COL17A1: variants seen among roughly 807,000 people sequenced by gnomAD.
The protein encoded by COL17A1 is collagen alpha-1(XVII) chain.
A neutral mutation model predicts 218.4 loss-of-function variants in COL17A1; 181 were observed. That is an observed-to-expected ratio of 0.83 (90% CI 0.73 to 0.94). COL17A1 has a LOEUF of 0.94. Ranked by LOEUF, COL17A1 falls within the 40% of genes least tolerant of loss-of-function variation. The pLI, the probability that COL17A1 is intolerant of heterozygous loss-of-function variation, is 0.00. For missense variants in COL17A1, 1,924 were observed against 1,945.9 expected, an observed-to-expected ratio of 0.99 and a Z score of 0.21; for synonymous variants, 721 against 731.0, an observed-to-expected ratio of 0.99 and a Z score of 0.22.
At chr10:104,083,359 A>T (rs2086781269) in intron 1 of COL17A1, among the ~76,000 whole-genome samples, 1 of 152,184 alleles carries the variant, frequency 6.6e-6, no homozygotes, top group Non-Finnish European at 1.5e-5. Flanking sequence ...ACTGTCAAAT[A>T]ACATAATTTT....
rs1283442752 is a variant in COL17A1, at chr10:104,037,895, G to A, written c.3071-122C>T. On this transcript the variant is annotated intron_variant, in intron 45 of 55. Coordinates refer to ENST00000648076, the MANE Select transcript of COL17A1 (RefSeq NM_000494.4). The stretch of plus-strand genomic sequence containing the variant: ...GCCCCACACATGGGCCCAAGGCTGG[G>A]CCAGGAGGGAGCCTAGACTTCCCCT... 4 of 1,276,904 alleles carry A rather than the reference G, an allele frequency of 3.1e-6. No homozygotes were observed. The African/African-American group carries it at 4.5e-5, about 14-fold the overall frequency. 79.1% of individuals were successfully genotyped at this position (1,276,904 alleles called of 1,614,324 possible). A position where few individuals can be genotyped will look rare whatever the true frequency, so the allele number is the denominator to read the frequency against.
At position 104,078,576 on chromosome 10, in the gene COL17A1, T is replaced by C. The variant is rs1394924211; in HGVS notation, c.63A>G (p.Glu21=). Residue 21 remains glutamate, a synonymous_variant, in exon 3 of 56, where the codon GAA becomes GAG. Coordinates refer to ENST00000648076, the MANE Select transcript of COL17A1 (RefSeq NM_000494.4). ...AGGATGTAAGTCTTGTGGTTACTGT[T>C]TCAGTGACAACTAGAAAAAGACAAA... ...GTEVTERIVT[E]TVTTRLTSLP... The C allele has an allele frequency of 6.2e-7, 1 of 1,614,048 alleles. No homozygotes were observed.
chr10:104,056,832 G>C (rs191285519), intron 17 of COL17A1, 143 bp downstream of exon 17: 9 of 1,488,590 alleles, frequency 6.0e-6, no homozygotes. Context: ...ACTCATCTGC[G>C]GTAACAAGGG....
intron 11 of COL17A1, 118 bp downstream of exon 11, chr10:104,063,629 G>T: frequency 1.4e-6 from 2 of 1,469,002 alleles, no homozygotes; most frequent in Non-Finnish European, 1.9e-6. Flanking sequence ...GCAACCCTGT[G>T]CCTCTGCTTC....
chr10:104,085,700 G>T (rs939371365), intron 1 of COL17A1, 23 bp downstream of exon 1: 3 of 152,622 alleles, frequency 2.0e-5, no homozygotes, highest in Non-Finnish European at 4.4e-5. Flanking sequence ...AAAGGAGAAA[G>T]GTCAGTCTTC....
At chr10:104,048,823 C>T (rs1318290258) in intron 29 of COL17A1, among the ~76,000 whole-genome samples, 1 of 151,308 alleles carries the variant, frequency 6.6e-6, no homozygotes. Flanking sequence ...TGATCCTCAA[C>T]ATGGTCTTTT....
In COL17A1 at chr10:104,041,344, C is replaced by T; in HGVS notation, c.2606G>A (p.Gly869Glu). 6.2e-7 allele frequency: 1 copy of T among 1,610,464 alleles called. No homozygotes were observed. Reference protein sequence around the residue: ...PGPPGPRGPPGPSIPGPPGPR... With the variant: ...PGPPGPRGPPEPSIPGPPGPR... ...TCCTGGTGGGCCTGGAATGGAAGGC[C>T]CTGCAGAAGAGAGCAAGGAAGAGGC... The change falls in exon 38 of 56, where the codon GGG (glycine) becomes GAG (glutamate). Residue 869 changes from glycine to glutamate, a missense_variant and splice_region_variant. Gly to Glu is a moderately conservative substitution (Grantham distance 98). Transcript: ENST00000648076.
At chr10:104,042,506 AG>A (rs1331136628) in intron 35 of COL17A1, 51 bp from the exon 36 acceptor site, 1 of 1,585,974 alleles carries the variant, frequency 6.3e-7, no homozygotes, top group Non-Finnish European at 8.7e-7. Flanking sequence ...GTAGGGTCAT[AG>A]GAAGAACTAA....
chr10:104,080,744 G>T (rs765548448), intron 1 of COL17A1, 60 bp from the exon 2 acceptor site: 5 of 1,550,222 alleles, frequency 3.2e-6, no homozygotes, highest in Non-Finnish European at 4.4e-6. Context: ...GTAATTATAG[G>T]TCCCCACTGT....
intron 24 of COL17A1, 152 bp downstream of exon 24, chr10:104,052,003 G>T: frequency 1.0e-6 from 1 of 989,900 alleles, no homozygotes; most frequent in Non-Finnish European, 1.6e-6. Flanking sequence ...GCTTTTCTGG[G>T]GGATGCTCTT....
intron 3 of COL17A1, 151 bp from the exon 4 acceptor site, chr10:104,077,677 GCCATGCT>G (rs983634455): frequency 1.4e-6 from 1 of 703,328 alleles, no homozygotes; most frequent in Non-Finnish European, 2.5e-6. Context: ...GATGCAAGCT[GCCATGCT>G]CCAGTTTCGT....
intron 8 of COL17A1, among the ~76,000 whole-genome samples, chr10:104,071,059 T>G (rs1276382515): frequency 6.6e-6 from 1 of 152,212 alleles, no homozygotes; most frequent in Non-Finnish European, 1.5e-5. Context: ...TGTGATTTAA[T>G]TTCAAGTCTA....
Position 104,034,275 on chromosome 10 carries a change from G to C in COL17A1, c.3826C>G (p.Pro1276Ala). ...PPGPPGPQGP[P>A]GDSRLLSTDA... Reference sequence around the variant, plus strand: ...GTGGACAGGAGGCGGCTGTCCCCAGGGGGTCCCTGCGGCCCAGGAGGGCCT... The same window carrying C: ...GTGGACAGGAGGCGGCTGTCCCCAGCGGGTCCCTGCGGCCCAGGAGGGCCT... The change falls in exon 52 of 56, where the codon CCT (proline) becomes GCT (alanine). Residue 1276 changes from proline (P) to alanine (A), a missense_variant. By Grantham distance (27) the Pro-to-Ala change is conservative. Coordinates refer to ENST00000648076, the MANE Select transcript of COL17A1 (RefSeq NM_000494.4). The C allele has an allele frequency of 6.3e-7, 1 of 1,596,454 alleles. No homozygotes were observed. The highest frequency in any genetic ancestry group is 8.5e-7 in the Non-Finnish European group (1 of 1,173,384).
chr10:104,062,248 G>C lies in COL17A1; in HGVS notation c.910+10C>G, dbSNP rs374436613. 276 of 1,614,100 alleles carry C rather than the reference G, an allele frequency of 1.7e-4. No individual in the cohort carries two copies. The highest frequency in any genetic ancestry group is 2.2e-4 in the Non-Finnish European group (263 of 1,180,052). On this transcript the variant is annotated intron_variant, in intron 12 of 55. Coordinates refer to ENST00000648076, the MANE Select transcript of COL17A1 (RefSeq NM_000494.4). ...TTCCAGCGCCTAAGCTCCAACCCTA[G>C]CCTACTGACCTGTGGAAGTGGTGGT...
intron 12 of COL17A1, 56 bp downstream of exon 12, chr10:104,062,202 T>C: frequency 6.2e-7 from 1 of 1,613,746 alleles, no homozygotes; most frequent in Non-Finnish European, 8.5e-7. Context: ...CAGTGAGTTG[T>C]AGCTGCAAAG....
At chr10:104,055,215 C>G in intron 19 of COL17A1, 157 bp downstream of exon 19, 1 of 1,459,860 alleles carries the variant, frequency 6.8e-7, no homozygotes, top group Non-Finnish European at 9.5e-7. Context: ...GATATTCTGA[C>G]TCTAAAACCA....
chr10:104,052,046 G>A (rs764861400), intron 24 of COL17A1, 109 bp downstream of exon 24: 7 of 1,456,722 alleles, frequency 4.8e-6, no homozygotes, highest in Non-Finnish European at 6.7e-6. Flanking sequence ...ACAGGCCTGG[G>A]GCAGGGGGTT....
intron 47 of COL17A1, 63 bp from the exon 48 acceptor site, chr10:104,036,695 AGCCACAGCCTG>A (rs1270233410): frequency 6.3e-7 from 1 of 1,588,944 alleles, no homozygotes; most frequent in Non-Finnish European, 8.6e-7. Flanking sequence ...GCCATGATCC[AGCCACAGCCTG>A]GGCTCCCCTG....
At position 104,042,419 on chromosome 10, in the gene COL17A1, C is replaced by A. The variant is rs112151584; in HGVS notation, c.2551+1G>T. 4.3e-6 allele frequency: 7 copies of A among 1,614,036 alleles called. No homozygotes were observed. The Admixed American group carries it at 1.2e-4, about 27-fold the overall frequency. ...TTGCATTCTTGCAGGGTGTGACATA[C>A]CTTGATGTCCTGGGAGACCAGCTGG... On this transcript the variant is annotated splice_donor_variant, in intron 36 of 55. Transcript: ENST00000648076. LOFTEE classifies it high-confidence loss of function.
Sources: gnomAD v4.1 joint callset for allele counts (sites outside exome capture counted in the v4.1 genomes callset) on GRCh38, gnomAD v4.1.1 for gene constraint, MANE v1.5 for transcripts, NCBI Gene and HGNC (gene_info 2026-07-23, HGNC 2026-07-21) for gene names.